The following SYT6 variants were observed in gnomAD, a reference collection of about 807,000 sequenced individuals.
SYT6 encodes synaptotagmin 6.
Under a neutral mutation model 38.4 loss-of-function variants are expected in SYT6, and 24 were observed. The ratio of observed to expected loss-of-function variants is 0.62; its 90% CI spans 0.45 to 0.88. SYT6 has a LOEUF of 0.88. Among genes scored for constraint, SYT6 ranks in the 40% least tolerant of loss-of-function variants. SYT6 has a pLI of 0.00. For synonymous variants in SYT6, 265 were observed against 241.9 expected (o/e 1.10, Z -0.89); for missense variants, 611 against 621.0 (o/e 0.98, Z 0.17).
At chr1:114,125,885 T>C (rs919157052) in intron 3 of SYT6, among the ~76,000 whole-genome samples, 31 of 152,152 alleles carry the variant, frequency 2.0e-4, no homozygotes, top group African/African-American at 7.0e-4. Flanking sequence ...TAGATCTTCC[T>C]TGCATGGAAA....
At chr1:114,121,471 C>T (rs1677398146) in intron 3 of SYT6, among the ~76,000 whole-genome samples, 1 of 152,174 alleles carries the variant, frequency 6.6e-6, no homozygotes, top group Non-Finnish European at 1.5e-5. Context: ...ACTGCATTCA[C>T]ATTGTTTTCT....
At chr1:114,136,425 A>G (rs142408578) in intron 3 of SYT6, among the ~76,000 whole-genome samples, 1 of 152,304 alleles carries the variant, frequency 6.6e-6, no homozygotes, top group East Asian at 1.9e-4. Context: ...CTTGGAGGGA[A>G]TGCCCCCACT....
At chr1:114,139,579 T>C (rs374802990) in intron 2 of SYT6, 36 bp downstream of exon 2, 2 of 1,610,938 alleles carry the variant, frequency 1.2e-6, no homozygotes, top group African/African-American at 1.3e-5. Flanking sequence ...AGTGTGGAGG[T>C]GTGGGGGTCA....
chr1:114,130,342 C>G (rs574964195), intron 3 of SYT6, among the ~76,000 whole-genome samples: 1 of 152,362 alleles, frequency 6.6e-6, no homozygotes, highest in East Asian at 1.9e-4. Context: ...TAGGACCATG[C>G]TTGGCACTTA....
At chr1:114,101,789 TCATG>T (rs1675983338) in intron 4 of SYT6, among the ~76,000 whole-genome samples, 1 of 152,232 alleles carries the variant, frequency 6.6e-6, no homozygotes. Context: ...GCCAGGTTCC[TCATG>T]CTGTAAATTC....
intron 1 of SYT6, among the ~76,000 whole-genome samples, chr1:114,149,662 T>C (rs1015725675): frequency 3.3e-5 from 5 of 152,038 alleles, no homozygotes; most frequent in Admixed American, 1.3e-4. Context: ...GGATGGTAAC[T>C]GTACCTTTCT....
chr1:114,131,683 C>T (rs1400186909), intron 3 of SYT6, among the ~76,000 whole-genome samples: 1 of 152,200 alleles, frequency 6.6e-6, no homozygotes, highest in Non-Finnish European at 1.5e-5. Context: ...CAGCCCATGG[C>T]TCTGCATTCA....
Position 114,113,421 on chromosome 1 carries a change from C to T in SYT6, c.1072-9700G>A, listed in dbSNP as rs577346153. On this transcript the variant is annotated intron_variant, in intron 3 of 7. Coordinates refer to ENST00000610222, the MANE Select transcript of SYT6 (RefSeq NM_001253772.2). Reference sequence around the variant, plus strand: ...ATGGCTCCTGAGTTTATGGCCCCTCCGCAGACATCTCTTCTAGACTCCAGA... The same window carrying T: ...ATGGCTCCTGAGTTTATGGCCCCTCTGCAGACATCTCTTCTAGACTCCAGA... Among the ~76,000 whole-genome samples the T allele has an allele frequency of 2.6e-5, 4 of 152,246 alleles. No individual in the cohort carries two copies. The South Asian group carries it at 6.2e-4, about 24-fold the overall frequency.
chr1:114,101,658 A>G (rs74112919), intron 4 of SYT6, among the ~76,000 whole-genome samples: 3 of 152,026 alleles, frequency 2.0e-5, no homozygotes, highest in Non-Finnish European at 4.4e-5. Context: ...TCCATTCAAT[A>G]CCTAGCTTAG....
rs1373639585 is a variant in SYT6, at chr1:114,136,271, C to T, written c.1071+1224G>A. On this transcript the variant is annotated intron_variant, in intron 3 of 7. Transcript: ENST00000610222. ...CCAGCCCCTCTCTTCACAGGCTCAA[C>T]ACAGAGATATTGAGTATTGACTATC... is the stretch of plus-strand genomic sequence containing the variant. Among the ~76,000 whole-genome samples the T allele has an allele frequency of 5.3e-5, 8 of 152,210 alleles. No individual in the cohort carries two copies. The East Asian group carries it at 1.3e-3, about 26-fold the overall frequency.
At chr1:114,101,420 T>C (rs1675961890) in intron 4 of SYT6, among the ~76,000 whole-genome samples, 1 of 152,176 alleles carries the variant, frequency 6.6e-6, no homozygotes, top group African/African-American at 2.4e-5. Flanking sequence ...AGCAGTGTAT[T>C]TCAGCCTCAT....
At chr1:114,130,836 C>T (rs1273466157) in intron 3 of SYT6, among the ~76,000 whole-genome samples, 2 of 152,150 alleles carry the variant, frequency 1.3e-5, no homozygotes, top group African/African-American at 4.8e-5. Flanking sequence ...GACCTAGAAA[C>T]CTGAGATCCA....
At chr1:114,135,772 G>A (rs1256727764) in intron 3 of SYT6, among the ~76,000 whole-genome samples, 1 of 152,212 alleles carries the variant, frequency 6.6e-6, no homozygotes, top group African/African-American at 2.4e-5. Context: ...GAAGGGCTGG[G>A]CTGAGCTCTG....
chr1:114,145,947 C>G (rs754100292), intron 1 of SYT6, among the ~76,000 whole-genome samples: 2 of 152,098 alleles, frequency 1.3e-5, no homozygotes, highest in African/African-American at 2.4e-5. Context: ...ATTTAGATTG[C>G]CTCTCCATGT....
At chr1:114,134,021 C>T (rs758017208) in intron 3 of SYT6, among the ~76,000 whole-genome samples, 32 of 152,288 alleles carry the variant, frequency 2.1e-4, no homozygotes, top group South Asian at 4.1e-4. Flanking sequence ...CTGCCAGGGC[C>T]GAATCCGACT....
chr1:114,143,919 C>T (rs1679013252), intron 1 of SYT6, among the ~76,000 whole-genome samples: 1 of 150,270 alleles, frequency 6.7e-6, no homozygotes, highest in South Asian at 2.2e-4. Context: ...GACCTCCCAT[C>T]CCACTTCCCT....
At chr1:114,144,081 A>G (rs1290948612) in intron 1 of SYT6, among the ~76,000 whole-genome samples, 8 of 152,236 alleles carry the variant, frequency 5.3e-5, no homozygotes, top group African/African-American at 1.4e-4. Context: ...GGCTTGCTTA[A>G]TGATTGAAAC....
intron 2 of SYT6, 56 bp from the exon 3 acceptor site, chr1:114,138,109 G>C: frequency 6.6e-7 from 1 of 1,523,614 alleles, no homozygotes; most frequent in African/African-American, 1.4e-5. Context: ...GGGGAAGGGG[G>C]ATGAAGGCAA....
chr1:114,111,483 G>GGATGACAC (rs1324236134), intron 3 of SYT6, among the ~76,000 whole-genome samples: 16 of 152,244 alleles, frequency 1.1e-4, no homozygotes, highest in African/African-American at 3.9e-4. Context: ...CTCACTAAAT[G>GGATGACAC]CTCCAAGATC....
Sources: gnomAD v4.1 joint callset for allele counts (sites outside exome capture counted in the v4.1 genomes callset) on GRCh38, gnomAD v4.1.1 for gene constraint, MANE v1.5 for transcripts, NCBI Gene and HGNC (gene_info 2026-07-23, HGNC 2026-07-21) for gene names.